The following FHDC1 variants were observed in gnomAD, a reference collection of about 807,000 sequenced individuals.
FHDC1 encodes FH2 domain-containing protein 1.
In FHDC1, 25 loss-of-function variants were observed where a neutral mutation model predicts 52.6. The ratio of observed to expected loss-of-function variants is 0.48; its 90% CI spans 0.35 to 0.66. FHDC1 has a LOEUF of 0.66. Among genes scored for constraint, FHDC1 ranks in the 30% least tolerant of loss-of-function variants. The probability of loss-of-function intolerance (pLI) is 0.01; values close to 1 mark genes in which losing one functional copy is unlikely to be tolerated. For missense variants in FHDC1, 1,459 were observed against 1,452.8 expected (o/e 1.00, Z -0.07); for synonymous variants, 616 against 581.5 (o/e 1.06, Z -0.85).
At chr4:152,933,729 C>CAAAAAA (rs70949623), upstream of FHDC1, among the ~76,000 whole-genome samples, 5 of 60,756 alleles carry the variant, frequency 8.2e-5, no homozygotes, top group South Asian at 6.2e-4. Flanking sequence ...GACCCCGTCT[C>CAAAAAA]AAAAAAAAAA....
chr4:152,912,762 G>T, the FHDC1 span, among the ~76,000 whole-genome samples: 1 of 152,170 alleles, frequency 6.6e-6, no homozygotes, highest in Non-Finnish European at 1.5e-5. Context: ...CATTAAAATA[G>T]AAGTTGTTAT....
chr4:152,949,669 G>A (rs372421789), intron 2 of FHDC1, among the ~76,000 whole-genome samples: 3 of 152,312 alleles, frequency 2.0e-5, no homozygotes, highest in African/African-American at 7.2e-5. Flanking sequence ...TTTAGCAAGA[G>A]TGATGGTGTA....
chr4:152,933,482 C>A (rs1739285530), upstream of FHDC1, among the ~76,000 whole-genome samples: 1 of 151,976 alleles, frequency 6.6e-6, no homozygotes, highest in Non-Finnish European at 1.5e-5. Context: ...CATATGTAAT[C>A]CCAGCACTCT....
chr4:152,951,776 C>T (rs562062121), intron 2 of FHDC1, among the ~76,000 whole-genome samples: 1 of 152,302 alleles, frequency 6.6e-6, no homozygotes, highest in South Asian at 2.1e-4. Flanking sequence ...CGGGAAAAAA[C>T]TGCAGCAGTT....
chr4:152,920,215 G>A, the FHDC1 span, among the ~76,000 whole-genome samples: 1 of 151,954 alleles, frequency 6.6e-6, no homozygotes, highest in Non-Finnish European at 1.5e-5. Flanking sequence ...CCAAAGTGCT[G>A]GGATTACATG....
chr4:152,950,682 C>T (rs1345834152), intron 2 of FHDC1, among the ~76,000 whole-genome samples: 9 of 152,212 alleles, frequency 5.9e-5, no homozygotes, highest in Admixed American at 5.9e-4. Flanking sequence ...TCTGTCATCT[C>T]TCAGATACAG....
In FHDC1 at chr4:152,975,965, C is replaced by T. The variant is rs369934635; in HGVS notation, c.2674C>T (p.Arg892Trp). 9.2e-6 allele frequency: 14 copies of T among 1,522,424 alleles called. No homozygotes were observed. Among genetic ancestry groups the T allele is most frequent in the East Asian group, 2.3e-5 (1 of 44,140 alleles). The allele number at this position is 1,522,424 out of a possible 1,614,324, so 94.3% of individuals were successfully genotyped here. ...CCAGGGGGCAGTGGCCAAGTCTGTG[C>T]GGACCCTGACCGCCTCAGAGAACGA... ...RSQGAVAKSV[R>W]TLTASENESM... Residue 892 changes from arginine to tryptophan, a missense_variant, in exon 12 of 12, where the codon CGG becomes TGG. By Grantham distance (101) the Arg-to-Trp change is moderately radical (BLOSUM62 -3). Coordinates refer to ENST00000511601, the MANE Select transcript of FHDC1 (RefSeq NM_001371116.1).
At chr4:152,932,621 G>A (rs981837879), upstream of FHDC1, among the ~76,000 whole-genome samples, 1 of 152,078 alleles carries the variant, frequency 6.6e-6, no homozygotes, top group African/African-American at 2.4e-5. Flanking sequence ...ATTTTAAAAG[G>A]CAAAGATAGC....
chr4:152,962,934 T>G, intron 7 of FHDC1, 50 bp downstream of exon 7: 1 of 1,549,802 alleles, frequency 6.5e-7, no homozygotes, highest in Non-Finnish European at 8.9e-7. Flanking sequence ...ACCTTGTCTA[T>G]CTAAAGGTGT....
At chr4:152,930,840 C>CG in the FHDC1 span, among the ~76,000 whole-genome samples, 1 of 152,088 alleles carries the variant, frequency 6.6e-6, no homozygotes, top group Non-Finnish European at 1.5e-5. Context: ...AGCACACACT[C>CG]GATTTCCAAG....
At chr4:152,947,619 T>C (rs1739773943) in intron 2 of FHDC1, among the ~76,000 whole-genome samples, 1 of 152,228 alleles carries the variant, frequency 6.6e-6, no homozygotes, top group African/African-American at 2.4e-5. Context: ...AAAAGGTTAC[T>C]GAACTGGACA....
At chr4:152,923,056 G>A in the FHDC1 span, among the ~76,000 whole-genome samples, 3 of 152,102 alleles carry the variant, frequency 2.0e-5, no homozygotes, top group African/African-American at 7.3e-5. Context: ...TAGGAAAAGA[G>A]GAAGTCAAAT....
the FHDC1 span, among the ~76,000 whole-genome samples, chr4:152,929,591 T>C: frequency 6.6e-6 from 1 of 152,204 alleles, no homozygotes; most frequent in Non-Finnish European, 1.5e-5. This position sits in a 1 kb window ranked among gnomAD's most constrained non-coding sequence, Gnocchi z 4.1. Flanking sequence ...AAGGGACTTC[T>C]GTAGACTCTG....
At chr4:152,935,158 T>C (rs1739326550), upstream of FHDC1, among the ~76,000 whole-genome samples, 1 of 152,150 alleles carries the variant, frequency 6.6e-6, no homozygotes, top group Non-Finnish European at 1.5e-5. Flanking sequence ...GTTTTGGGGT[T>C]GATTGGTTTG....
At chr4:152,962,298 C>T (rs981284991) in intron 6 of FHDC1, among the ~76,000 whole-genome samples, 3 of 152,060 alleles carry the variant, frequency 2.0e-5, no homozygotes, top group African/African-American at 4.8e-5. Context: ...TGGGCCCTCG[C>T]GGTTTGTGCT....
intron 9 of FHDC1, among the ~76,000 whole-genome samples, chr4:152,966,362 A>G (rs147686695): frequency 1.3e-4 from 20 of 152,372 alleles, no homozygotes; most frequent in Admixed American, 5.9e-4. Flanking sequence ...TGAATTGACA[A>G]TGGAAGCATG....
chr4:152,963,011 T>C lies in FHDC1; in HGVS notation c.922-12T>C, dbSNP rs757902505. On this transcript the variant is annotated splice_polypyrimidine_tract_variant and intron_variant, in intron 7 of 11. Coordinates refer to ENST00000511601, the MANE Select transcript of FHDC1 (RefSeq NM_001371116.1). ...TATACATAATTTTTTCTTTTTGATT[T>C]GTCTTCTTTAGGGAGGGTATGCCGG... 9 of 1,612,054 alleles carry C rather than the reference T, an allele frequency of 5.6e-6. No homozygotes were observed. The Admixed American group carries it at 1.5e-4, about 27-fold the overall frequency.
the FHDC1 span, chr4:152,928,219 C>T: frequency 4.0e-6 from 3 of 747,406 alleles, no homozygotes; most frequent in East Asian, 7.4e-5. Context: ...GTTTCTCTGT[C>T]CTTACACAGG....
the FHDC1 span, among the ~76,000 whole-genome samples, chr4:152,918,207 T>C: frequency 6.6e-6 from 1 of 152,204 alleles, no homozygotes; most frequent in Non-Finnish European, 1.5e-5. Context: ...ACAAGTAGCT[T>C]CAGTCCAAGC....
Sources: allele counts gnomAD v4.1 joint callset (sites outside exome capture counted in the v4.1 genomes callset), GRCh38; gene constraint gnomAD v4.1.1; non-coding constraint Gnocchi (gnomAD v3.1); transcripts MANE v1.5; gene names NCBI Gene and HGNC (gene_info 2026-07-23, HGNC 2026-07-21).